Variants in FMN1 observed in about 807,000 individuals in gnomAD.
The protein encoded by FMN1 is formin-1.
FMN1 carries 110 observed loss-of-function variants against 132.4 expected under a neutral mutation model. The ratio of observed to expected loss-of-function variants is 0.83; its 90% CI spans 0.71 to 0.97. The LOEUF (loss-of-function observed/expected upper bound fraction) is 0.97. Among genes scored for constraint, FMN1 ranks in the 50% least tolerant of loss-of-function variants. FMN1 has a pLI of 0.00. For missense variants in FMN1, 1,792 were observed against 1,705.3 expected, an observed-to-expected ratio of 1.05 and a Z score of -0.90; for synonymous variants, 722 against 651.7, an observed-to-expected ratio of 1.11 and a Z score of -1.64.
intron 17 of FMN1, among the ~76,000 whole-genome samples, chr15:32,826,136 T>C (rs372161133): frequency 6.6e-6 from 1 of 152,330 alleles, no homozygotes; most frequent in East Asian, 1.9e-4. Flanking sequence ...TGTCAAAATC[T>C]ATCACTGACT....
At chr15:33,099,700 T>C (rs1324968862) in intron 4 of FMN1, among the ~76,000 whole-genome samples, 1 of 152,218 alleles carries the variant, frequency 6.6e-6, no homozygotes, top group Non-Finnish European at 1.5e-5. Context: ...AGGGATACCA[T>C]ATCTGAAACA....
chr15:33,130,921 A>G (rs972968401), intron 4 of FMN1, among the ~76,000 whole-genome samples: 14 of 152,298 alleles, frequency 9.2e-5, no homozygotes, highest in African/African-American at 1.7e-4. Context: ...GGTTACTTCA[A>G]TTCTAGGCTT....
intron 9 of FMN1, among the ~76,000 whole-genome samples, chr15:32,954,035 T>C (rs1348331172): frequency 2.6e-5 from 4 of 152,190 alleles, no homozygotes; most frequent in African/African-American, 9.7e-5. Context: ...ATGTTAGGTA[T>C]AGAAGTTAAG....
chr15:33,140,876 G>A (rs747479742), intron 4 of FMN1, among the ~76,000 whole-genome samples: 3 of 152,102 alleles, frequency 2.0e-5, no homozygotes, highest in Non-Finnish European at 4.4e-5. Flanking sequence ...TATAAACTAG[G>A]ATCTTATTTT....
chr15:32,879,349 A>T (rs1003961856), intron 16 of FMN1, among the ~76,000 whole-genome samples: 2 of 152,226 alleles, frequency 1.3e-5, no homozygotes, highest in African/African-American at 4.8e-5. Context: ...GCTCAGACTT[A>T]GTAAACTACT....
intron 7 of FMN1, among the ~76,000 whole-genome samples, chr15:32,986,623 G>A (rs1004581788): frequency 1.3e-5 from 2 of 151,966 alleles, no homozygotes; most frequent in African/African-American, 4.8e-5. Flanking sequence ...AACGGAATTT[G>A]GCAGAACATT....
At chr15:33,116,256 T>C (rs2039921528) in intron 4 of FMN1, among the ~76,000 whole-genome samples, 1 of 152,148 alleles carries the variant, frequency 6.6e-6, no homozygotes, top group Non-Finnish European at 1.5e-5. Flanking sequence ...TACTTTCCTT[T>C]ATACCTGTTT....
chr15:33,026,970 C>A lies in FMN1; in HGVS notation c.2162-18895G>T, dbSNP rs539176775. Among the ~76,000 whole-genome samples the A allele has an allele frequency of 3.3e-5, 5 of 152,304 alleles. No homozygotes were observed. The East Asian group carries it at 9.6e-4, about 29-fold the overall frequency. ...AGGTCCTATTTTGCATTGCTCCTAC[C>A]ATTCAAAATTTAAGATCTGAATTTG... On this transcript the variant is annotated intron_variant, in intron 6 of 20. Coordinates refer to ENST00000616417, the MANE Select transcript of FMN1 (RefSeq NM_001277313.2).
At chr15:33,191,094 C>T (rs534294761) in intron 2 of FMN1, among the ~76,000 whole-genome samples, 10 of 151,114 alleles carry the variant, frequency 6.6e-5, no homozygotes, top group South Asian at 4.2e-4. Context: ...GGCGTGAACC[C>T]GGGAGGCGGA....
At chr15:33,151,652 G>T (rs1964443743) in intron 4 of FMN1, among the ~76,000 whole-genome samples, 3 of 152,120 alleles carry the variant, frequency 2.0e-5, no homozygotes, top group Admixed American at 2.0e-4. Context: ...GCAGTTTTTG[G>T]AGTTAAGGCA....
chr15:32,821,863 TCTC>T (rs1371945382), intron 17 of FMN1, among the ~76,000 whole-genome samples: 5 of 152,190 alleles, frequency 3.3e-5, no homozygotes, highest in Admixed American at 6.5e-5. Context: ...TTCCTTTCAT[TCTC>T]CTCCTAAATT....
intron 19 of FMN1, among the ~76,000 whole-genome samples, chr15:32,783,947 C>T (rs12901405): frequency 0.24 from 37,082 of 151,794 alleles, 5,312 homozygotes; most frequent in Middle Eastern, 0.35. Flanking sequence ...ATCTGTGAGA[C>T]TGAGGAAGTA....
At chr15:32,950,257 C>G (rs1180426069) in intron 9 of FMN1, among the ~76,000 whole-genome samples, 6 of 151,250 alleles carry the variant, frequency 4.0e-5, no homozygotes, top group East Asian at 2.0e-4. Context: ...ATTAGTTCAA[C>G]TATTGTGAAA....
chr15:33,066,575 G>T (rs1029809265), intron 5 of FMN1: 1 of 1,612,162 alleles, frequency 6.2e-7, no homozygotes, highest in South Asian at 1.1e-5. Context: ...AGCTCTTAGC[G>T]ACTCCTTCTC....
intron 3 of FMN1, among the ~76,000 whole-genome samples, chr15:33,168,566 C>T (rs1034994115): frequency 6.6e-6 from 1 of 152,184 alleles, no homozygotes; most frequent in Non-Finnish European, 1.5e-5. Flanking sequence ...AACTGGACAT[C>T]ACCATTAAGT....
At chr15:33,097,328 G>A (rs190783432) in intron 4 of FMN1, among the ~76,000 whole-genome samples, 1 of 151,118 alleles carries the variant, frequency 6.6e-6, no homozygotes, top group East Asian at 1.9e-4. Context: ...GAGAGAGAGA[G>A]AGAGATGGGC....
At chr15:32,848,301 A>G (rs1370142486) in intron 17 of FMN1, among the ~76,000 whole-genome samples, 1 of 152,170 alleles carries the variant, frequency 6.6e-6, no homozygotes, top group Non-Finnish European at 1.5e-5. Context: ...TCAAGGAGAA[A>G]GAACGGAGGG....
chr15:32,791,160 A>G (rs757729500), intron 19 of FMN1, among the ~76,000 whole-genome samples: 1 of 151,906 alleles, frequency 6.6e-6, no homozygotes, highest in Non-Finnish European at 1.5e-5. Context: ...GCTATAGGAA[A>G]TGAGGCTAAA....
intron 9 of FMN1, among the ~76,000 whole-genome samples, chr15:32,945,724 C>T (rs188825771): frequency 2.0e-4 from 30 of 152,080 alleles, no homozygotes; most frequent in Admixed American, 1.4e-3. Context: ...AGGGTATCCA[C>T]GATGCAAATT....
Sources: allele counts gnomAD v4.1 joint callset (sites outside exome capture counted in the v4.1 genomes callset), GRCh38; gene constraint gnomAD v4.1.1; transcripts MANE v1.5; gene names NCBI Gene and HGNC (gene_info 2026-07-23, HGNC 2026-07-21).